The following EXT1 variants were observed in gnomAD, a reference collection of about 807,000 sequenced individuals.
EXT1 encodes the protein exostosin-1.
In EXT1, 20 loss-of-function variants were observed where a neutral mutation model predicts 82.5. The ratio of observed to expected loss-of-function variants is 0.24; its 90% CI spans 0.17 to 0.35. The LOEUF is 0.35. Among genes scored for constraint, EXT1 ranks in the 10% least tolerant of loss-of-function variants. EXT1 has a pLI of 1.00. For missense variants in EXT1, 757 were observed against 936.5 expected, an observed-to-expected ratio of 0.81 and a Z score of 2.50; for synonymous variants, 348 against 350.8, an observed-to-expected ratio of 0.99 and a Z score of 0.09.
At chr8:117,938,888 C>T (rs1814219025) in intron 1 of EXT1, among the ~76,000 whole-genome samples, 2 of 152,204 alleles carry the variant, frequency 1.3e-5, no homozygotes, top group African/African-American at 4.8e-5. Flanking sequence ...TGAATAATCA[C>T]TATTTGCAAA....
In EXT1 at chr8:117,842,926, C is replaced by G. The variant is rs186811130; in HGVS notation, c.963-5725G>C. 1.9e-4 allele frequency among the ~76,000 whole-genome samples: 29 copies of G among 152,278 alleles called. 1 individual carries two copies. In the East Asian group the frequency reaches 5.2e-3, roughly 27 times the overall value. ...AGACGATAGGGAAGAAACAAGTGAT[C>G]CAGCCTCTCATCTCTGTACTCACAC... On this transcript the variant is annotated intron_variant, in intron 1 of 10. Transcript: ENST00000378204.
rs368382074 is a variant in EXT1 at position 118,110,923 on chromosome 8, C to T, written c.124G>A (p.Gly42Ser). The T allele has an allele frequency of 2.0e-5, 33 of 1,613,868 alleles. No homozygotes were observed. In the African/African-American group the frequency reaches 3.6e-4, roughly 18 times the overall value. ...RSHSRREEHS[G>S]RNGLHHPSPD... is the part of the protein sequence containing the mutation. ...CTGGGGTGGTGCAAGCCATTCCTAC[C>T]GCTGTGTTCTTCTCTCCGGCTGTGG... Residue 42 changes from glycine to serine, a missense_variant, in exon 1 of 11, where the codon GGT becomes AGT. This residue lies in a region of EXT1 where 175 missense variants were observed against 159.0 expected (regional missense o/e 1.10). Transcript: ENST00000378204.
chr8:117,899,187 C>G (rs776826746), intron 1 of EXT1, among the ~76,000 whole-genome samples: 31 of 152,210 alleles, frequency 2.0e-4, no homozygotes, highest in Non-Finnish European at 3.5e-4. Context: ...CATTATCTGT[C>G]TAAATGCACA....
chr8:118,076,597 T>A (rs553730316), intron 1 of EXT1, among the ~76,000 whole-genome samples: 1 of 152,198 alleles, frequency 6.6e-6, no homozygotes, highest in Non-Finnish European at 1.5e-5. Flanking sequence ...AATGCAAGTA[T>A]CTTATGAATT....
At chr8:117,908,086 G>T (rs1813575626) in intron 1 of EXT1, among the ~76,000 whole-genome samples, 1 of 152,136 alleles carries the variant, frequency 6.6e-6, no homozygotes, top group Non-Finnish European at 1.5e-5. Flanking sequence ...AAACATTAAA[G>T]TTTCACTAAT....
chr8:117,910,015 G>A (rs985391217), intron 1 of EXT1, among the ~76,000 whole-genome samples: 8 of 152,186 alleles, frequency 5.3e-5, no homozygotes, highest in South Asian at 2.1e-4. Flanking sequence ...TGGTCCACCC[G>A]TGCCGGCCTC....
At chr8:118,092,137 A>G (rs1817536038) in intron 1 of EXT1, among the ~76,000 whole-genome samples, 1 of 152,236 alleles carries the variant, frequency 6.6e-6, no homozygotes, top group African/African-American at 2.4e-5. Flanking sequence ...TTGGAGGAAA[A>G]TAATGCAGAG....
intron 1 of EXT1, among the ~76,000 whole-genome samples, chr8:117,960,085 C>A (rs1814669817): frequency 6.6e-6 from 1 of 152,122 alleles, no homozygotes; most frequent in Non-Finnish European, 1.5e-5. Context: ...GTGGCAGGCA[C>A]CTGTAATCCC....
chr8:117,896,977 C>A (rs1452356458), intron 1 of EXT1, among the ~76,000 whole-genome samples: 1 of 152,144 alleles, frequency 6.6e-6, no homozygotes, highest in African/African-American at 2.4e-5. Context: ...CCTTCACCCC[C>A]ACTTGCTCAG....
At chr8:118,096,686 G>GGGAGGGAAGGAGGGAA (rs1563654964) in intron 1 of EXT1, among the ~76,000 whole-genome samples, 1 of 89,396 alleles carries the variant, frequency 1.1e-5, no homozygotes, top group Non-Finnish European at 2.5e-5. Flanking sequence ...GAGGGAGGGA[G>GGGAGGGAAGGAGGGAA]GGAGGGAAGG....
intron 1 of EXT1, among the ~76,000 whole-genome samples, chr8:117,973,717 G>A (rs754124094): frequency 5.3e-5 from 8 of 151,232 alleles, no homozygotes; most frequent in Non-Finnish European, 7.4e-5. Flanking sequence ...GCACTAAGCC[G>A]TAATCACGCC....
intron 1 of EXT1, among the ~76,000 whole-genome samples, chr8:118,091,979 GC>G (rs1300565027): frequency 6.6e-6 from 1 of 152,142 alleles, no homozygotes; most frequent in Non-Finnish European, 1.5e-5. Context: ...TGGGTTAAGT[GC>G]TGGGAAACAG....
At chr8:118,068,919 T>C (rs1039970814) in intron 1 of EXT1, among the ~76,000 whole-genome samples, 2 of 152,180 alleles carry the variant, frequency 1.3e-5, no homozygotes, top group Non-Finnish European at 2.9e-5. Flanking sequence ...AAGCCTAAGC[T>C]GCAAGAAGCT....
At chr8:117,992,729 G>C (rs927530307) in intron 1 of EXT1, among the ~76,000 whole-genome samples, 5 of 152,142 alleles carry the variant, frequency 3.3e-5, no homozygotes, top group African/African-American at 1.2e-4. Context: ...CCACTCAAAG[G>C]GAGGCAGTGG....
chr8:117,908,815 C>T (rs1329721349), intron 1 of EXT1, among the ~76,000 whole-genome samples: 1 of 152,010 alleles, frequency 6.6e-6, no homozygotes, highest in African/African-American at 2.4e-5. Context: ...CAAAGTGGAA[C>T]AAACTTGAGG....
intron 1 of EXT1, among the ~76,000 whole-genome samples, chr8:117,917,854 G>T (rs575621542): frequency 4.3e-4 from 65 of 152,280 alleles, no homozygotes; most frequent in African/African-American, 1.5e-3. Context: ...TTCAGGCACT[G>T]CTGACCACCA....
At chr8:117,980,736 T>C (rs1181741543) in intron 1 of EXT1, among the ~76,000 whole-genome samples, 1 of 138,594 alleles carries the variant, frequency 7.2e-6, no homozygotes, top group Admixed American at 7.6e-5. Context: ...TTTTTTCCAG[T>C]GTGAGTTCTT....
intron 1 of EXT1, among the ~76,000 whole-genome samples, chr8:117,869,634 ATACTAT>A (rs72041678): frequency 0.092 from 14,011 of 152,212 alleles, 818 homozygotes; most frequent in South Asian, 0.16. Context: ...TTATCACTTT[ATACTAT>A]CTACATCTTA....
chr8:117,860,335 T>C lies in EXT1; in HGVS notation c.963-23134A>G, dbSNP rs368752476. On this transcript the variant is annotated intron_variant, in intron 1 of 10. Coordinates refer to ENST00000378204, the MANE Select transcript of EXT1 (RefSeq NM_000127.3). ...TGGACATACAGAGTGAAAGAACACA[T>C]ACTGGAGACTCCTCAAGGTGGGAGG... Among the ~76,000 whole-genome samples, 7 of 151,864 alleles carry C rather than the reference T, an allele frequency of 4.6e-5. No individual in the cohort carries two copies. The East Asian group carries it at 5.8e-4, about 13-fold the overall frequency.
Sources: gnomAD v4.1 joint callset for allele counts (sites outside exome capture counted in the v4.1 genomes callset) on GRCh38, gnomAD v4.1.1 for gene constraint, gnomAD v4.1.1 regional missense constraint, MANE v1.5 for transcripts, NCBI Gene and HGNC (gene_info 2026-07-23, HGNC 2026-07-21) for gene names.